Variants in TRANK1 observed in about 807,000 individuals in gnomAD.
TRANK1 encodes TPR and ankyrin repeat-containing protein 1.
A neutral mutation model predicts 266.0 loss-of-function variants in TRANK1; 198 were observed. The observed-to-expected ratio is 0.74, with a 90% CI of 0.66 to 0.84. TRANK1 has a LOEUF of 0.84. TRANK1 is among the 40% of genes least tolerant of loss of function. TRANK1 has a pLI of 0.00. For synonymous variants in TRANK1, 1,396 were observed against 1,384.1 expected, an observed-to-expected ratio of 1.01 and a Z score of -0.19; for missense variants, 3,326 against 3,634.6, an observed-to-expected ratio of 0.92 and a Z score of 2.18.
Position 36,858,034 on chromosome 3 carries a change from C to G in TRANK1, c.1688G>C (p.Ser563Thr). 2 of 1,563,670 alleles carry G rather than the reference C, an allele frequency of 1.3e-6. No homozygotes were observed. Among genetic ancestry groups the G allele is most frequent in the Non-Finnish European group, 1.7e-6 (2 of 1,160,874 alleles). ...CAGATCCAACAGATGGCTGAGGAAG[C>G]TAAAACCAATGTCAGCTGAAAGACA... The part of the protein sequence containing the change: ...FLEIKADIGF[S>T]FLSHLLDLFW... The change falls in exon 13 of 24, where the codon AGC (serine) becomes ACC (threonine). Residue 563 changes from serine (S) to threonine (T), a missense_variant. Transcript: ENST00000645898.
At position 36,903,227 on chromosome 3, in the gene TRANK1, T is replaced by G; in HGVS notation, c.204A>C (p.Ala68=). 6.5e-7 allele frequency: 1 copy of G among 1,537,236 alleles called. No homozygotes were observed. Among genetic ancestry groups the G allele is most frequent in the African/African-American group, 1.4e-5 (1 of 73,122 alleles). The part of the protein sequence containing the change: ...LAVLLCNKSN[A]FFSLGKWNEA... ...CATTCCACTTCCCAAGGCTGAAAAA[T>G]GCATTTGATTTGTTGCACAGCAGCA... The change falls in exon 3 of 24, where the codon GCA becomes GCC. Residue 68 remains alanine, a synonymous_variant. Transcript: ENST00000645898.
chr3:36,938,245 G>A (rs1287098235), intron 1 of TRANK1, among the ~76,000 whole-genome samples: 1 of 151,978 alleles, frequency 6.6e-6, no homozygotes, highest in East Asian at 1.9e-4. Context: ...TTGAGAGGGA[G>A]TCTCTCTCTG....
intron 9 of TRANK1, among the ~76,000 whole-genome samples, chr3:36,866,084 G>GAAAGAAAC (rs1559439773): frequency 6.6e-6 from 1 of 150,862 alleles, no homozygotes; most frequent in Non-Finnish European, 1.5e-5. Context: ...AAGAAAGAAA[G>GAAAGAAAC]AAAGAAAGAA....
chr3:36,828,268 G>A lies in TRANK1; in HGVS notation c.*7C>T, dbSNP rs1038523258. The A allele has an allele frequency of 5.0e-6, 8 of 1,604,324 alleles. No homozygotes were observed. Among genetic ancestry groups the A allele is most frequent in the African/African-American group, 1.3e-5 (1 of 74,924 alleles). On this transcript the variant is annotated 3_prime_UTR_variant, in exon 24 of 24. Transcript: ENST00000645898. ...CGAAGGATGAGGAGGCTGCAGCTGTGTGGACATTAGTATTTTCTCTGCTTT... is the reference window on the plus strand; with the variant it reads ...CGAAGGATGAGGAGGCTGCAGCTGTATGGACATTAGTATTTTCTCTGCTTT...
chr3:36,867,910 T>C (rs569642765), intron 9 of TRANK1, among the ~76,000 whole-genome samples: 1 of 152,354 alleles, frequency 6.6e-6, no homozygotes, highest in African/African-American at 2.4e-5. Context: ...GTTCTTCCCA[T>C]CTTTGCATGG....
At chr3:36,920,916 T>G (rs752896605) in intron 1 of TRANK1, among the ~76,000 whole-genome samples, 46 of 152,244 alleles carry the variant, frequency 3.0e-4, no homozygotes, top group Non-Finnish European at 5.6e-4. Context: ...TAAATTTCTC[T>G]TCAAAGAATC....
intron 1 of TRANK1, among the ~76,000 whole-genome samples, chr3:36,937,514 C>A (rs549076889): frequency 6.6e-6 from 1 of 152,298 alleles, no homozygotes; most frequent in Admixed American, 6.5e-5. Context: ...TCTGTGTTAA[C>A]AACCCATAGG....
chr3:36,878,786 A>G (rs1485171995), intron 8 of TRANK1, among the ~76,000 whole-genome samples: 2 of 147,438 alleles, frequency 1.4e-5, no homozygotes, highest in African/African-American at 2.6e-5. Context: ...AAAAAAAAAA[A>G]AAAGAAAGAA....
intron 1 of TRANK1, among the ~76,000 whole-genome samples, chr3:36,918,566 G>A (rs1167557312): frequency 2.2e-5 from 1 of 45,518 alleles, no homozygotes; most frequent in African/African-American, 9.6e-5. Flanking sequence ...AAGGAAGGTA[G>A]GAAGGAAGGA....
At chr3:36,874,005 C>A in intron 9 of TRANK1, 121 bp downstream of exon 9, 2 of 796,852 alleles carry the variant, frequency 2.5e-6, no homozygotes, top group Non-Finnish European at 1.7e-6. Flanking sequence ...TGGTAGGTCT[C>A]ACTTCCATAT....
At chr3:36,923,766 G>C (rs2080250674) in intron 1 of TRANK1, among the ~76,000 whole-genome samples, 1 of 152,084 alleles carries the variant, frequency 6.6e-6, no homozygotes, top group African/African-American at 2.4e-5. Context: ...CTACACTCTG[G>C]TGGGACTGAA....
At chr3:36,925,350 A>G (rs2080273214) in intron 1 of TRANK1, among the ~76,000 whole-genome samples, 1 of 152,186 alleles carries the variant, frequency 6.6e-6, no homozygotes, top group African/African-American at 2.4e-5. Context: ...CCATAGGGTT[A>G]AGTAGAATCA....
chr3:36,857,994 G>A lies in TRANK1; in HGVS notation c.1728C>T (p.Pro576=), dbSNP rs1305497641. ...SHLLDLFWSN[P]TEFDYLNPNV... Reference sequence around the variant, plus strand: ...TGGGGTTGAGGTAGTCGAATTCAGTGGGGTTGGACCAAAACAGATCCAACA... The same window carrying A: ...TGGGGTTGAGGTAGTCGAATTCAGTAGGGTTGGACCAAAACAGATCCAACA... The change falls in exon 13 of 24, where the codon CCC becomes CCT. Residue 576 remains proline (P), a synonymous_variant. Coordinates refer to ENST00000645898, the MANE Select transcript of TRANK1 (RefSeq NM_001329998.2). The surrounding 1 kb of genome is among the most constrained non-coding windows in gnomAD (Gnocchi z 4.3). 12 of 1,597,370 alleles carry A rather than the reference G, an allele frequency of 7.5e-6. No homozygotes were observed. The African/African-American group carries it at 1.3e-4, about 18-fold the overall frequency.
intron 13 of TRANK1, among the ~76,000 whole-genome samples, chr3:36,854,827 G>A (rs1432445266): frequency 6.6e-6 from 1 of 151,228 alleles, no homozygotes; most frequent in Non-Finnish European, 1.5e-5. Context: ...ACTTGTAACT[G>A]GTATATTACT....
chr3:36,838,445 G>T lies in TRANK1; in HGVS notation c.5444C>A (p.Thr1815Lys), dbSNP rs963718513. Reference sequence around the variant, plus strand: ...ATAGCTCAGACACTTAAGGGACAGTGTTGGCTCTTTGCACTCCAAATAGGT... The same window carrying T: ...ATAGCTCAGACACTTAAGGGACAGTTTTGGCTCTTTGCACTCCAAATAGGT... ...AKTYLECKEP[T>K]LSLKCLSYAK... The change falls in exon 20 of 24, where the codon ACA (threonine) becomes AAA (lysine). Residue 1815 changes from threonine to lysine, a missense_variant. Transcript: ENST00000645898. 3.7e-6 allele frequency: 6 copies of T among 1,614,072 alleles called. No homozygotes were observed. Among genetic ancestry groups the T allele is most frequent in the Non-Finnish European group, 5.1e-6 (6 of 1,179,910 alleles).
Position 36,852,171 on chromosome 3 carries a change from T to TG in TRANK1, c.4723dup (p.Gln1575ProfsTer4). ...CTGGTGGGCTCCAAATTCAATGGGC[T>TG]GAGTTTTCCTTTTATTCCCTCGTAG... is the stretch of plus-strand genomic sequence containing the variant. On this transcript the variant is annotated frameshift_variant, in exon 14 of 24. Transcript: ENST00000645898. LOFTEE classifies it high-confidence loss of function. 1 of 1,597,510 alleles carries TG rather than the reference T, an allele frequency of 6.3e-7. No individual in the cohort carries two copies. Among genetic ancestry groups the TG allele is most frequent in the Non-Finnish European group, 8.5e-7 (1 of 1,175,964 alleles).
intron 1 of TRANK1, among the ~76,000 whole-genome samples, chr3:36,940,044 C>T (rs1409187057): frequency 6.6e-6 from 1 of 151,952 alleles, no homozygotes; most frequent in Non-Finnish European, 1.5e-5. Context: ...GTGTGCACCA[C>T]CATGCCTGGC....
chr3:36,861,113 T>C lies in TRANK1; in HGVS notation c.1288A>G (p.Thr430Ala). ...VCDINQDCATTVFKFLLEKQR... is the reference protein window; with the variant it reads ...VCDINQDCATAVFKFLLEKQR... ...TTTTCCAATAAGAATTTGAAGACGG[T>C]GGTGGCACAGTCTTGATTAATATCA... The change falls in exon 11 of 24, where the codon ACC (threonine) becomes GCC (alanine). Residue 430 changes from threonine (T) to alanine (A), a missense_variant. Physicochemically the swap from Thr to Ala is moderately conservative, Grantham distance 58. Coordinates refer to ENST00000645898, the MANE Select transcript of TRANK1 (RefSeq NM_001329998.2). The C allele has an allele frequency of 6.5e-7, 1 of 1,537,384 alleles. No individual in the cohort carries two copies. The highest frequency in any genetic ancestry group is 8.7e-7 in the Non-Finnish European group (1 of 1,146,922).
chr3:36,906,230 A>C (rs1487147795), intron 2 of TRANK1, among the ~76,000 whole-genome samples: 1 of 152,204 alleles, frequency 6.6e-6, no homozygotes, highest in African/African-American at 2.4e-5. Flanking sequence ...TAGAGTGTAG[A>C]CATCAAGGAG....
Sources: gnomAD v4.1 joint callset for allele counts (sites outside exome capture counted in the v4.1 genomes callset) on GRCh38, gnomAD v4.1.1 for gene constraint, Gnocchi (gnomAD v3.1) non-coding constraint, MANE v1.5 for transcripts, NCBI Gene and HGNC (gene_info 2026-07-23, HGNC 2026-07-21) for gene names.